RBBP8: variants seen among roughly 807,000 people sequenced by gnomAD.
RBBP8 encodes RB binding protein 8, endonuclease.
Under a neutral mutation model 108.3 loss-of-function variants are expected in RBBP8, and 88 were observed. That is an observed-to-expected ratio of 0.81 (90% CI 0.68 to 0.97). RBBP8 has a LOEUF of 0.97. Among genes scored for constraint, RBBP8 ranks in the 50% least tolerant of loss-of-function variants. The probability of loss-of-function intolerance (pLI) is 0.00; values close to 1 mark genes in which losing one functional copy is unlikely to be tolerated. For synonymous variants in RBBP8, 332 were observed against 348.2 expected (o/e 0.95, Z 0.52); for missense variants, 1,023 against 1,049.0 (o/e 0.98, Z 0.34).
chr18:22,941,769 ATTG>A (rs1911102119), intron 2 of RBBP8, among the ~76,000 whole-genome samples: 1 of 152,038 alleles, frequency 6.6e-6, no homozygotes, highest in Non-Finnish European at 1.5e-5. Context: ...GAATACAGTA[ATTG>A]TTGGTGTATA....
chr18:23,009,519 T>C (rs950814540), intron 16 of RBBP8, among the ~76,000 whole-genome samples: 1 of 149,372 alleles, frequency 6.7e-6, no homozygotes, highest in African/African-American at 2.4e-5. Flanking sequence ...TAAAGTATAA[T>C]GTATTTTATA....
upstream of RBBP8, among the ~76,000 whole-genome samples, chr18:22,928,572 A>G (rs1881501737): frequency 6.6e-6 from 1 of 152,238 alleles, no homozygotes; most frequent in African/African-American, 2.4e-5. Flanking sequence ...TCCTGTTGAA[A>G]GAGGGAAAGA....
chr18:22,919,191 A>G (rs959621324), intron 3 of RBBP8, among the ~76,000 whole-genome samples: 3 of 152,194 alleles, frequency 2.0e-5, no homozygotes, highest in South Asian at 2.1e-4. Context: ...TGTGAAATGT[A>G]TTGGTCAGAG....
At chr18:22,951,503 G>T (rs1049380305) in intron 4 of RBBP8, among the ~76,000 whole-genome samples, 1 of 152,150 alleles carries the variant, frequency 6.6e-6, no homozygotes, top group Non-Finnish European at 1.5e-5. Flanking sequence ...CACTGTACTC[G>T]TACAACATGC....
At position 23,001,580 on chromosome 18, in the gene RBBP8, A is replaced by G. The variant is rs1283718834; in HGVS notation, c.2144-6A>G. The G allele has an allele frequency of 1.9e-5, 30 of 1,613,978 alleles. No homozygotes were observed. Among genetic ancestry groups the G allele is most frequent in the Non-Finnish European group, 2.3e-5 (27 of 1,180,000 alleles). On this transcript the variant is annotated splice_polypyrimidine_tract_variant and splice_region_variant and intron_variant, in intron 14 of 18. Coordinates refer to ENST00000327155, the MANE Select transcript of RBBP8 (RefSeq NM_002894.3). The stretch of plus-strand genomic sequence containing the variant: ...TATTGCCCTAAGCCAGTGCTCTTTT[A>G]CATAGATGAAGAAAGAAAAATGAAT...
chr18:22,964,620 T>C (rs1372109731), intron 4 of RBBP8, among the ~76,000 whole-genome samples: 1 of 150,844 alleles, frequency 6.6e-6, no homozygotes, highest in Non-Finnish European at 1.5e-5. Flanking sequence ...TTAATATTTT[T>C]AATTTTTAAT....
At chr18:22,916,418 T>C (rs1169355794) in intron 2 of RBBP8, among the ~76,000 whole-genome samples, 1 of 152,094 alleles carries the variant, frequency 6.6e-6, no homozygotes, top group Non-Finnish European at 1.5e-5. Context: ...AAGTCACTAT[T>C]ATATAATCTA....
At chr18:23,021,170 G>T (rs946932298) in intron 17 of RBBP8, among the ~76,000 whole-genome samples, 1 of 152,140 alleles carries the variant, frequency 6.6e-6, no homozygotes, top group Non-Finnish European at 1.5e-5. Flanking sequence ...AGCACTTTGG[G>T]AGTCTGAGAC....
chr18:23,002,249 T>G (rs1458798927), intron 15 of RBBP8, among the ~76,000 whole-genome samples: 1 of 151,990 alleles, frequency 6.6e-6, no homozygotes, highest in Admixed American at 6.6e-5. Flanking sequence ...AAACCTCATT[T>G]CTACAAAAAT....
rs919601474 is a variant in RBBP8, at chr18:22,916,747, T to C, written c.-239-194T>C. Among the ~76,000 whole-genome samples the C allele has an allele frequency of 3.3e-5, 5 of 152,278 alleles. No homozygotes were observed. The East Asian group carries it at 7.7e-4, about 23-fold the overall frequency. ...ATCATATTATTTTGTTTCAGACTGA[T>C]GAAAGCCTCACATTCTTTCATATTT... On this transcript the variant is annotated intron_variant, in intron 2 of 4. Transcript: ENST00000577588.
chr18:23,017,480 C>T (rs750655215), intron 17 of RBBP8, among the ~76,000 whole-genome samples: 2 of 151,340 alleles, frequency 1.3e-5, no homozygotes, highest in Non-Finnish European at 1.5e-5. Context: ...GGTGAAACCC[C>T]GTCTCTACTA....
intron 10 of RBBP8, 69 bp downstream of exon 10, chr18:22,991,118 A>G: frequency 3.6e-6 from 4 of 1,107,726 alleles, no homozygotes; most frequent in Non-Finnish European, 5.4e-6. Context: ...AATTTCATAT[A>G]ATTAAGCCAT....
intron 1 of RBBP8, among the ~76,000 whole-genome samples, chr18:22,935,481 AT>A (rs1161341440): frequency 1.3e-5 from 2 of 151,854 alleles, no homozygotes; most frequent in African/African-American, 4.8e-5. Context: ...TTTCTGGATT[AT>A]TTTTTAAAAG....
At chr18:22,970,278 G>T (rs1567968361) in intron 5 of RBBP8, among the ~76,000 whole-genome samples, 1 of 152,076 alleles carries the variant, frequency 6.6e-6, no homozygotes, top group Non-Finnish European at 1.5e-5. Context: ...CTGTAGTTGA[G>T]ATCCACAGTA....
intron 5 of RBBP8, among the ~76,000 whole-genome samples, chr18:22,973,349 G>A (rs1033496870): frequency 2.6e-5 from 4 of 152,080 alleles, no homozygotes; most frequent in Admixed American, 1.3e-4. Context: ...TTATTTTAGA[G>A]TGTTGTCATT....
At chr18:22,957,955 T>C (rs1912731188) in intron 4 of RBBP8, among the ~76,000 whole-genome samples, 1 of 152,184 alleles carries the variant, frequency 6.6e-6, no homozygotes, top group Non-Finnish European at 1.5e-5. Context: ...CTATTTTACC[T>C]TTCAACCTTA....
intron 15 of RBBP8, among the ~76,000 whole-genome samples, chr18:23,005,299 A>G (rs1268563312): frequency 6.6e-6 from 1 of 152,262 alleles, no homozygotes; most frequent in Admixed American, 6.5e-5. Context: ...TTCCCAACAC[A>G]AAGAAATGAC....
chr18:22,982,467 A>G, intron 7 of RBBP8, 74 bp downstream of exon 7: 1 of 1,603,142 alleles, frequency 6.2e-7, no homozygotes, highest in Non-Finnish European at 8.5e-7. Context: ...TATGTTATTC[A>G]ATCTAGTGAT....
intron 3 of RBBP8, among the ~76,000 whole-genome samples, chr18:22,918,782 T>A (rs1030225932): frequency 2.8e-4 from 43 of 152,326 alleles, no homozygotes; most frequent in Middle Eastern, 6.8e-3. Context: ...ATAATTTTTT[T>A]AAAAATTTTT....
Sources: allele counts gnomAD v4.1 joint callset (sites outside exome capture counted in the v4.1 genomes callset), GRCh38; gene constraint gnomAD v4.1.1; transcripts MANE v1.5; gene names NCBI Gene and HGNC (gene_info 2026-07-23, HGNC 2026-07-21).